ATP8A2: variants seen among roughly 807,000 people sequenced by gnomAD.
ATP8A2 encodes ATPase phospholipid transporting 8A2, also known as phospholipid-transporting ATPase IB.
In ATP8A2, 100 loss-of-function variants were observed where a neutral mutation model predicts 165.6. That is an observed-to-expected ratio of 0.60 (90% CI 0.51 to 0.71). The LOEUF (loss-of-function observed/expected upper bound fraction) is 0.71, where lower values mean the gene tolerates loss of function less well. ATP8A2 is among the 30% of genes least tolerant of loss of function. The pLI is 0.00. For missense variants in ATP8A2, 1,227 were observed against 1,479.5 expected (o/e 0.83, Z 2.80); for synonymous variants, 543 against 548.8 (o/e 0.99, Z 0.15).
chr13:25,390,752 A>C (rs773873002), intron 1 of ATP8A2, among the ~76,000 whole-genome samples: 10 of 152,116 alleles, frequency 6.6e-5, no homozygotes, highest in Non-Finnish European at 1.3e-4. Flanking sequence ...CATCATGGTG[A>C]AACCCTTTCT....
chr13:25,614,994 C>T (rs2040784511), intron 24 of ATP8A2, among the ~76,000 whole-genome samples: 1 of 152,210 alleles, frequency 6.6e-6, no homozygotes, highest in Non-Finnish European at 1.5e-5. Context: ...GTGGCACTTT[C>T]AAGAGACCAT....
chr13:25,533,518 C>T (rs1480191182), intron 6 of ATP8A2, among the ~76,000 whole-genome samples: 3 of 152,148 alleles, frequency 2.0e-5, no homozygotes, highest in Admixed American at 2.0e-4. Flanking sequence ...CTTCATCGCT[C>T]CTGAGTGACG....
Position 25,372,292 on chromosome 13 carries a change from A to G in ATP8A2, c.76+4A>G. 1 of 1,347,224 alleles carries G rather than the reference A, an allele frequency of 7.4e-7. No homozygotes were observed. The highest frequency in any genetic ancestry group is 9.9e-7 in the Non-Finnish European group (1 of 1,005,242). 83.5% of individuals were successfully genotyped at this position (1,347,224 alleles called of 1,614,324 possible). A position where few individuals can be genotyped will look rare whatever the true frequency, so the allele number is the denominator to read the frequency against. ...TCGAGGATCCGCTCGTCCGTGGGTG[A>G]GCTGGGAGGGGCGCGGCGAGGGAGG... On this transcript the variant is annotated splice_donor_region_variant and intron_variant, in intron 1 of 36. Coordinates refer to ENST00000381655, the MANE Select transcript of ATP8A2 (RefSeq NM_016529.6). The surrounding 1 kb of genome is among the most constrained non-coding windows in gnomAD (Gnocchi z 4.8).
At chr13:25,884,913 G>A (rs1196258755) in intron 33 of ATP8A2, among the ~76,000 whole-genome samples, 6 of 152,022 alleles carry the variant, frequency 3.9e-5, no homozygotes, top group Non-Finnish European at 8.8e-5. Flanking sequence ...GGCCTCTGCC[G>A]ACTGTTGACT....
intron 35 of ATP8A2, among the ~76,000 whole-genome samples, chr13:25,983,968 C>G (rs1340989400): frequency 6.6e-6 from 1 of 152,088 alleles, no homozygotes; most frequent in Admixed American, 6.6e-5. Flanking sequence ...TGCAGTGGCT[C>G]ACACCTATCA....
At chr13:25,639,200 A>G (rs1215051486) in intron 24 of ATP8A2, among the ~76,000 whole-genome samples, 3 of 152,224 alleles carry the variant, frequency 2.0e-5, no homozygotes, top group African/African-American at 7.2e-5. Context: ...TCAACTGGCA[A>G]GCAAAATAAC....
At chr13:25,707,443 A>C (rs2043075999) in intron 25 of ATP8A2, among the ~76,000 whole-genome samples, 1 of 152,182 alleles carries the variant, frequency 6.6e-6, no homozygotes, top group Admixed American at 6.5e-5. Flanking sequence ...CAGGTGAGAA[A>C]TTTTTTAAAA....
chr13:25,430,191 T>A (rs1262556223), intron 1 of ATP8A2, among the ~76,000 whole-genome samples: 1 of 151,498 alleles, frequency 6.6e-6, no homozygotes, highest in African/African-American at 2.4e-5. Flanking sequence ...ATGAGAGAGG[T>A]CCAGGCCCCA....
Position 25,450,610 on chromosome 13 carries a change from C to T in ATP8A2, c.77-18367C>T, listed in dbSNP as rs559770699. Reference sequence around the variant, plus strand: ...GCAGTGGTGTGATCTCGGCTCACTGCAAGCTCCGCCTCCCGGGTTCACGCC... The same window carrying T: ...GCAGTGGTGTGATCTCGGCTCACTGTAAGCTCCGCCTCCCGGGTTCACGCC... On this transcript the variant is annotated intron_variant, in intron 1 of 36. Transcript: ENST00000381655. Among the ~76,000 whole-genome samples the T allele has an allele frequency of 1.7e-3, 255 of 152,072 alleles. 2 individuals carry two copies. In the Middle Eastern group the frequency reaches 0.017, roughly 10 times the overall value.
intron 1 of ATP8A2, among the ~76,000 whole-genome samples, chr13:25,465,696 TTTCTTTCTTTCTTTC>T (rs1231970954): frequency 0.02 from 408 of 20,400 alleles, 11 homozygotes; most frequent in Admixed American, 0.075. Context: ...TCTTTCTTTC[TTTCTTTCTTTCTTTC>T]TTTCTTTCTT....
chr13:25,563,297 T>A (rs930262134), intron 15 of ATP8A2, among the ~76,000 whole-genome samples: 4 of 151,976 alleles, frequency 2.6e-5, no homozygotes, highest in African/African-American at 9.7e-5. Context: ...TAATCCCAGC[T>A]ACTTGGGAGG....
intron 35 of ATP8A2, among the ~76,000 whole-genome samples, chr13:25,999,004 A>G (rs563229464): frequency 6.6e-6 from 1 of 152,316 alleles, no homozygotes; most frequent in South Asian, 2.1e-4. Context: ...TGGAAAACCT[A>G]CTGTGTCCTG....
chr13:25,837,407 T>C, intron 29 of ATP8A2, 122 bp downstream of exon 29: 1 of 910,738 alleles, frequency 1.1e-6, no homozygotes, highest in Admixed American at 2.2e-5. Flanking sequence ...GAAAACATGA[T>C]CCACTCACCC....
chr13:25,917,416 G>A (rs1303309918), intron 33 of ATP8A2, among the ~76,000 whole-genome samples: 8 of 152,210 alleles, frequency 5.3e-5, no homozygotes, highest in African/African-American at 1.7e-4. Flanking sequence ...ATATGATACA[G>A]TAGTAGTTGT....
intron 1 of ATP8A2, among the ~76,000 whole-genome samples, chr13:25,424,818 TGTG>T (rs1191504526): frequency 6.6e-6 from 1 of 151,974 alleles, no homozygotes; most frequent in South Asian, 2.1e-4. Flanking sequence ...ATTAGCTAGA[TGTG>T]GTGGTGGGCG....
chr13:25,994,567 G>C (rs1956459260), intron 35 of ATP8A2, among the ~76,000 whole-genome samples: 1 of 152,084 alleles, frequency 6.6e-6, no homozygotes. Flanking sequence ...TTTGCTAAGA[G>C]ATTTTTTGTT....
intron 17 of ATP8A2, 94 bp from the exon 18 acceptor site, chr13:25,571,516 G>A (rs1593557191): frequency 1.1e-6 from 1 of 881,808 alleles, no homozygotes; most frequent in South Asian, 1.5e-5. Flanking sequence ...GCCTCCTTCA[G>A]TAGAGCGGAT....
chr13:25,694,667 A>T (rs1414530664), intron 24 of ATP8A2, among the ~76,000 whole-genome samples: 1 of 152,192 alleles, frequency 6.6e-6, no homozygotes, highest in Non-Finnish European at 1.5e-5. Context: ...TTACAAAGCT[A>T]ATTGACAATA....
chr13:25,398,136 A>G (rs2033493064), intron 1 of ATP8A2, among the ~76,000 whole-genome samples: 1 of 152,228 alleles, frequency 6.6e-6, no homozygotes, highest in South Asian at 2.1e-4. Context: ...TACAGAATGT[A>G]AATTTTCCCC....
Sources: allele counts gnomAD v4.1 joint callset (sites outside exome capture counted in the v4.1 genomes callset), GRCh38; gene constraint gnomAD v4.1.1; non-coding constraint Gnocchi (gnomAD v3.1); transcripts MANE v1.5; gene names NCBI Gene and HGNC (gene_info 2026-07-23, HGNC 2026-07-21).